PDE10A: variants seen among roughly 807,000 people sequenced by gnomAD.
PDE10A encodes the protein cAMP and cAMP-inhibited cGMP 3',5'-cyclic phosphodiesterase 10A.
A neutral mutation model predicts 97.7 loss-of-function variants in PDE10A; 39 were observed. The ratio of observed to expected loss-of-function variants is 0.40; its 90% CI spans 0.31 to 0.52. PDE10A has a LOEUF of 0.52. PDE10A is among the 20% of genes least tolerant of loss of function. The probability of loss-of-function intolerance (pLI) is 0.56; values close to 1 mark genes in which losing one functional copy is unlikely to be tolerated. For missense variants in PDE10A, 731 were observed against 1,047.8 expected, an observed-to-expected ratio of 0.70 and a Z score of 4.17; for synonymous variants, 371 against 376.8, an observed-to-expected ratio of 0.98 and a Z score of 0.18.
At chr6:165,916,648 T>C (rs1057413463) in intron 1 of PDE10A, among the ~76,000 whole-genome samples, 1 of 152,218 alleles carries the variant, frequency 6.6e-6, no homozygotes, top group African/African-American at 2.4e-5. Context: ...TACTAAGCTT[T>C]CATTTATTTC....
At chr6:165,489,343 AAAT>A (rs1780094988) in intron 2 of PDE10A, among the ~76,000 whole-genome samples, 2 of 152,146 alleles carry the variant, frequency 1.3e-5, no homozygotes, top group Admixed American at 6.5e-5. Context: ...TTCAGAAGAT[AAAT>A]AATAATTGTT....
At chr6:165,644,122 C>A (rs539968218) in intron 1 of PDE10A, among the ~76,000 whole-genome samples, 2 of 152,276 alleles carry the variant, frequency 1.3e-5, no homozygotes, top group South Asian at 4.1e-4. Flanking sequence ...GTGGCGTGAT[C>A]TTGGCTCACT....
chr6:165,890,920 T>A (rs903659601), intron 1 of PDE10A, among the ~76,000 whole-genome samples: 1 of 152,246 alleles, frequency 6.6e-6, no homozygotes, highest in Non-Finnish European at 1.5e-5. Flanking sequence ...TTTTAGGTTT[T>A]CTCATTATCC....
chr6:165,958,034 G>A (rs746128142), intron 1 of PDE10A, among the ~76,000 whole-genome samples: 3 of 152,174 alleles, frequency 2.0e-5, no homozygotes, highest in Non-Finnish European at 2.9e-5. Flanking sequence ...TCCATTCCAG[G>A]AGAAAATTAT....
intron 6 of PDE10A, among the ~76,000 whole-genome samples, chr6:165,434,530 T>C (rs1407771180): frequency 1.3e-5 from 2 of 152,228 alleles, no homozygotes; most frequent in South Asian, 2.1e-4. Flanking sequence ...TCTGTATCTA[T>C]GTGCATGGTT....
Position 165,751,487 on chromosome 6 carries a change from T to G in PDE10A, c.-614-207919A>C, listed in dbSNP as rs568963902. On this transcript the variant is annotated intron_variant, in intron 1 of 19. Transcript: ENST00000366882. ...TGCTGCTCACATGCCTCCTCTCCCC[T>G]TGGGGTGCCCTTGATGAAGCAGGCA... 2.2e-4 allele frequency among the ~76,000 whole-genome samples: 33 copies of G among 152,290 alleles called. No homozygotes were observed. In the South Asian group the frequency reaches 6.4e-3, roughly 30 times the overall value.
At chr6:165,359,216 C>T (rs1783225569) in intron 18 of PDE10A, among the ~76,000 whole-genome samples, 1 of 152,154 alleles carries the variant, frequency 6.6e-6, no homozygotes, top group South Asian at 2.1e-4. Context: ...TACCTTCCTA[C>T]AGACTGAGTT....
Position 165,867,344 on chromosome 6 carries a change from ATG to A in PDE10A, c.-615+120183_-615+120184del, listed in dbSNP as rs372975268. ...GGATGGAAAAAAAAAATCCACACAA[ATG>A]GGAACCAAAAGCTTGCAGGAGTAGC... is the stretch of plus-strand genomic sequence containing the variant. On this transcript the variant is annotated intron_variant, in intron 1 of 19. Coordinates refer to the PDE10A transcript ENST00000366882. Among the ~76,000 whole-genome samples, 25 of 152,166 alleles carry A rather than the reference ATG, an allele frequency of 1.6e-4. No homozygotes were observed. In the East Asian group the frequency reaches 4.0e-3, roughly 25 times the overall value.
At chr6:165,619,384 CTAGTA>C (rs1481434983) in intron 1 of PDE10A, among the ~76,000 whole-genome samples, 12 of 27,874 alleles carry the variant, frequency 4.3e-4, no homozygotes, top group East Asian at 2.1e-3. Context: ...GTAGTGTAGT[CTAGTA>C]TAGTGTAGTG....
At chr6:165,726,624 T>A (rs1456097758) in intron 1 of PDE10A, among the ~76,000 whole-genome samples, 1 of 152,260 alleles carries the variant, frequency 6.6e-6, no homozygotes, top group East Asian at 2.0e-4. Context: ...CCGACGGGCC[T>A]GGGCCCGCAT....
chr6:165,338,177 T>C (rs966026825), intron 20 of PDE10A, among the ~76,000 whole-genome samples: 2 of 152,212 alleles, frequency 1.3e-5, no homozygotes, highest in African/African-American at 4.8e-5. Flanking sequence ...GCCAGGGACA[T>C]AAGTGGAGGC....
At position 165,397,435 on chromosome 6, in the gene PDE10A, C is replaced by A. The variant is rs570275970; in HGVS notation, c.2077-976G>T. On this transcript the variant is annotated intron_variant, in intron 13 of 21. Coordinates refer to ENST00000539869, the MANE Select transcript of PDE10A (RefSeq NM_001385079.1). ...CATAAAAATATAAATGAAGGCTGGG[C>A]AAGGTCACTCACCCTTGTAATCCCA... 2.6e-5 allele frequency among the ~76,000 whole-genome samples: 4 copies of A among 152,210 alleles called. No homozygotes were observed. In the South Asian group the frequency reaches 8.3e-4, roughly 32 times the overall value.
At chr6:165,416,011 T>C (rs1361844990) in intron 12 of PDE10A, among the ~76,000 whole-genome samples, 178 bp downstream of exon 12, 2 of 152,214 alleles carry the variant, frequency 1.3e-5, no homozygotes, top group Non-Finnish European at 1.5e-5. Context: ...TTAGAATCCA[T>C]CATTTTATAA....
intron 1 of PDE10A, among the ~76,000 whole-genome samples, chr6:165,698,717 G>A (rs890090568): frequency 2.0e-5 from 3 of 152,040 alleles, no homozygotes; most frequent in Admixed American, 6.6e-5. Context: ...AGACGTGGCG[G>A]CATTTGCTTG....
rs71026686 is a variant in PDE10A, at chr6:165,397,702, CAAAAAAAAAAA to C, written c.2077-1254_2077-1244del. ...GGGCGACAACGGTGAAACTCCATCT[CAAAAAAAAAAA>C]AAAAAAAAAAGAATGAAGCTAAATG... On this transcript the variant is annotated intron_variant, in intron 13 of 21. Transcript: ENST00000539869. Among the ~76,000 whole-genome samples the C allele has an allele frequency of 1.1e-4, 10 of 88,386 alleles. No individual in the cohort carries two copies. In the East Asian group the frequency reaches 3.3e-3, roughly 29 times the overall value. The allele number at this position is 88,386 out of a possible 152,430, so 58.0% of individuals were successfully genotyped here. A position where few individuals can be genotyped will look rare whatever the true frequency, so the allele number is the denominator to read the frequency against.
intron 2 of PDE10A, among the ~76,000 whole-genome samples, chr6:165,494,056 C>T (rs486771): frequency 0.14 from 20,466 of 151,204 alleles, 1,563 homozygotes; most frequent in East Asian, 0.25. Flanking sequence ...GGCCAAAAAA[C>T]GTATGAAAAA....
chr6:165,770,760 A>G (rs1305005979), intron 1 of PDE10A, among the ~76,000 whole-genome samples: 1 of 152,194 alleles, frequency 6.6e-6, no homozygotes, highest in Non-Finnish European at 1.5e-5. Context: ...TGAGGTCTCT[A>G]AAACACAGGT....
chr6:165,576,349 G>A, intron 1 of PDE10A: 1 of 777,812 alleles, frequency 1.3e-6, no homozygotes, highest in South Asian at 1.3e-5. Flanking sequence ...GTACTAGTTT[G>A]CTTCCTGTCT....
intron 1 of PDE10A, among the ~76,000 whole-genome samples, chr6:165,684,921 CA>C (rs1174537243): frequency 1.3e-5 from 2 of 152,190 alleles, no homozygotes; most frequent in African/African-American, 4.8e-5. Context: ...AGGAAGTGGA[CA>C]GTGAGACGTC....
Sources: gnomAD v4.1 joint callset for allele counts (sites outside exome capture counted in the v4.1 genomes callset) on GRCh38, gnomAD v4.1.1 for gene constraint, MANE v1.5 for transcripts, NCBI Gene and HGNC (gene_info 2026-07-23, HGNC 2026-07-21) for gene names.